SEPTIN7: variants seen among roughly 807,000 people sequenced by gnomAD.
SEPTIN7 encodes the protein septin-7.
SEPTIN7 carries 10 observed loss-of-function variants against 63.3 expected under a neutral mutation model. The observed-to-expected ratio is 0.16, with a 90% CI of 0.10 to 0.27. The LOEUF (loss-of-function observed/expected upper bound fraction) is 0.27, where lower values mean the gene tolerates loss of function less well. Ranked by LOEUF, SEPTIN7 falls within the 10% of genes least tolerant of loss-of-function variation. The pLI is 1.00. For missense variants in SEPTIN7, 310 were observed against 521.0 expected, an observed-to-expected ratio of 0.59 and a Z score of 3.94; for synonymous variants, 131 against 165.3, an observed-to-expected ratio of 0.79 and a Z score of 1.59.
chr7:35,854,852 A>C (rs1785126007), intron 3 of SEPTIN7, among the ~76,000 whole-genome samples: 1 of 152,086 alleles, frequency 6.6e-6, no homozygotes, highest in African/African-American at 2.4e-5. Context: ...GAAAAATTTA[A>C]ATGTTTCATA....
At chr7:35,834,831 G>A (rs1784001630) in intron 3 of SEPTIN7, among the ~76,000 whole-genome samples, 1 of 151,978 alleles carries the variant, frequency 6.6e-6, no homozygotes, top group Admixed American at 6.6e-5. Flanking sequence ...TAATATTCTT[G>A]ACTTAAAAAC....
chr7:35,908,718 C>T (rs1237663980), downstream of SEPTIN7, among the ~76,000 whole-genome samples: 6 of 152,172 alleles, frequency 3.9e-5, no homozygotes, highest in South Asian at 2.1e-4. Flanking sequence ...TGGGCCACCC[C>T]GCTTAGCTCC....
intron 1 of SEPTIN7, among the ~76,000 whole-genome samples, chr7:35,828,903 G>A (rs1463173178): frequency 6.6e-6 from 1 of 152,146 alleles, no homozygotes; most frequent in Admixed American, 6.5e-5. Context: ...GGAATTACAA[G>A]CATGAACCGC....
At chr7:35,817,816 A>C (rs1179679977) in intron 1 of SEPTIN7, among the ~76,000 whole-genome samples, 1 of 150,798 alleles carries the variant, frequency 6.6e-6, no homozygotes, top group East Asian at 1.9e-4. Context: ...ATTTTTTCTT[A>C]ATTTTTTTAT....
At chr7:35,838,297 CTT>C (rs1784198550) in intron 3 of SEPTIN7, among the ~76,000 whole-genome samples, 1 of 11,514 alleles carries the variant, frequency 8.7e-5, no homozygotes, top group Non-Finnish European at 1.5e-4. Flanking sequence ...TCCTTCCTTC[CTT>C]CCTTCCCTCC....
Position 35,833,082 on chromosome 7 carries a change from C to T in SEPTIN7, c.169+182C>T, listed in dbSNP as rs563960753. 1.3e-3 allele frequency among the ~76,000 whole-genome samples: 193 copies of T among 151,960 alleles called. 1 individual carries two copies. Among genetic ancestry groups the T allele is most frequent in the African/African-American group, 4.5e-3 (185 of 41,502 alleles). ...GTGGCATAATGGGATTTATGTCTTGCCTCTTATTTTAAGGTAGAAACTACA... is the reference window on the plus strand; with the variant it reads ...GTGGCATAATGGGATTTATGTCTTGTCTCTTATTTTAAGGTAGAAACTACA... On this transcript the variant is annotated intron_variant, in intron 3 of 13. Coordinates refer to ENST00000350320, the MANE Select transcript of SEPTIN7 (RefSeq NM_001788.6).
downstream of SEPTIN7, among the ~76,000 whole-genome samples, chr7:35,909,325 C>T (rs959674113): frequency 1.3e-5 from 2 of 152,214 alleles, no homozygotes; most frequent in African/African-American, 4.8e-5. Flanking sequence ...TTTCTCAAAT[C>T]TCCACCTCAT....
At chr7:35,912,005 T>C (rs750883464), downstream of SEPTIN7, among the ~76,000 whole-genome samples, 12 of 152,212 alleles carry the variant, frequency 7.9e-5, no homozygotes, top group South Asian at 8.3e-4. Context: ...TTAATCTGTG[T>C]TGTTTGTCTT....
At chr7:35,832,385 TAGTC>T (rs1267564419) in intron 2 of SEPTIN7, among the ~76,000 whole-genome samples, 4 of 152,068 alleles carry the variant, frequency 2.6e-5, no homozygotes, top group East Asian at 3.8e-4. Context: ...GTGGTATAAT[TAGTC>T]AGTGTGATCA....
chr7:35,883,832 A>G, intron 8 of SEPTIN7, 59 bp from the exon 9 acceptor site: 6 of 930,730 alleles, frequency 6.4e-6, no homozygotes, highest in South Asian at 2.1e-5. Flanking sequence ...AACTTTTTTT[A>G]TTTTTGAATT....
intron 11 of SEPTIN7, 108 bp from the exon 12 acceptor site, chr7:35,898,140 T>C: frequency 1.4e-6 from 1 of 718,654 alleles, no homozygotes; most frequent in Non-Finnish European, 2.1e-6. Context: ...TATAAATATA[T>C]TAATAGTGAC....
At chr7:35,881,021 T>C (rs113735424) in intron 7 of SEPTIN7, among the ~76,000 whole-genome samples, 2 of 152,190 alleles carry the variant, frequency 1.3e-5, no homozygotes, top group Admixed American at 6.5e-5. Flanking sequence ...ATTGTAATTA[T>C]CTCTATTGTC....
intron 9 of SEPTIN7, among the ~76,000 whole-genome samples, chr7:35,884,264 C>G (rs996626329): frequency 5.3e-5 from 8 of 152,078 alleles, no homozygotes; most frequent in Non-Finnish European, 1.2e-4. Flanking sequence ...GTGAATTGCT[C>G]CAAAATAAAA....
intron 1 of SEPTIN7, among the ~76,000 whole-genome samples, chr7:35,807,186 C>CA (rs1359290549): frequency 7.0e-6 from 1 of 142,136 alleles, no homozygotes; most frequent in Admixed American, 7.1e-5. Context: ...TTTTTTAAAA[C>CA]TTTTTTTTTT....
the SEPTIN7 span, among the ~76,000 whole-genome samples, chr7:35,912,131 T>A: frequency 6.6e-6 from 1 of 152,184 alleles, no homozygotes; most frequent in African/African-American, 2.4e-5. Context: ...GGAGCAGGCC[T>A]CCCAAAATCT....
intron 1 of SEPTIN7, among the ~76,000 whole-genome samples, chr7:35,804,782 T>G (rs1788215067): frequency 6.6e-6 from 1 of 152,166 alleles, no homozygotes; most frequent in African/African-American, 2.4e-5. Flanking sequence ...AGCTTGTTAT[T>G]GTACTGACTA....
chr7:35,801,048 G>A (rs960048673), upstream of SEPTIN7: 31 of 486,638 alleles, frequency 6.4e-5, no homozygotes, highest in Admixed American at 6.1e-4. Context: ...GGACGGAGGA[G>A]GGAGCGGGAG....
At chr7:35,880,387 G>T (rs1159403423) in intron 7 of SEPTIN7, among the ~76,000 whole-genome samples, 2 of 151,322 alleles carry the variant, frequency 1.3e-5, no homozygotes, top group Non-Finnish European at 3.0e-5. Flanking sequence ...GTTTCACTGT[G>T]ACTTTGCCAG....
At chr7:35,831,916 G>A (rs1202779866) in intron 2 of SEPTIN7, 1 of 306,168 alleles carries the variant, frequency 3.3e-6, no homozygotes, top group Non-Finnish European at 6.3e-6. Context: ...TTAAGAGAAT[G>A]TGTGCCTCTT....
Sources: allele counts gnomAD v4.1 joint callset (sites outside exome capture counted in the v4.1 genomes callset), GRCh38; gene constraint gnomAD v4.1.1; transcripts MANE v1.5; gene names NCBI Gene and HGNC (gene_info 2026-07-23, HGNC 2026-07-21).